CPT1A: variants seen among roughly 807,000 people sequenced by gnomAD.
The protein encoded by CPT1A is carnitine palmitoyltransferase 1A, also known as carnitine O-palmitoyltransferase 1, liver isoform.
Under a neutral mutation model 100.8 loss-of-function variants are expected in CPT1A, and 64 were observed. The observed-to-expected ratio is 0.63, with a 90% CI of 0.52 to 0.78. The LOEUF (loss-of-function observed/expected upper bound fraction) is 0.78, where lower values mean the gene tolerates loss of function less well. Among genes scored for constraint, CPT1A ranks in the 30% least tolerant of loss-of-function variants. The pLI is 0.00. For synonymous variants in CPT1A, 363 were observed against 396.0 expected (o/e 0.92, Z 0.99); for missense variants, 802 against 1,034.1 (o/e 0.78, Z 3.08).
At position 68,761,547 on chromosome 11, in the gene CPT1A, AG is replaced by A; in HGVS notation, c.2015del (p.Pro672LeufsTer83). The A allele has an allele frequency of 6.2e-7, 1 of 1,614,112 alleles. No individual in the cohort carries two copies. Among genetic ancestry groups the A allele is most frequent in the Non-Finnish European group, 8.5e-7 (1 of 1,180,014 alleles). On this transcript the variant is annotated frameshift_variant, in exon 16 of 19. Coordinates refer to ENST00000265641, the MANE Select transcript of CPT1A (RefSeq NM_001876.4). LOFTEE classifies it high-confidence loss of function. ...GGAAGAGACTTACTTCCTTAAGGAA[AG>A]GGGACTCCACAGCGAGATATTTAGA... is the stretch of plus-strand genomic sequence containing the variant. ...VVSKYLAVES[P>X]FLKEVLSEPW...
chr11:68,824,319 C>A (rs1856667303), intron 1 of CPT1A, among the ~76,000 whole-genome samples: 1 of 150,892 alleles, frequency 6.6e-6, no homozygotes, highest in Non-Finnish European at 1.5e-5. Context: ...GGAAGGGAGG[C>A]AGCAGGGCAA....
intron 18 of CPT1A, among the ~76,000 whole-genome samples, chr11:68,759,263 C>T (rs1052059026): frequency 2.6e-5 from 4 of 151,400 alleles, no homozygotes; most frequent in Admixed American, 1.3e-4. Flanking sequence ...GGGGTAGTGG[C>T]GGGTGCCTGT....
intron 9 of CPT1A, among the ~76,000 whole-genome samples, chr11:68,790,634 G>A (rs907116858): frequency 1.1e-4 from 16 of 152,058 alleles, no homozygotes; most frequent in African/African-American, 3.1e-4. Context: ...CCTTGATCTC[G>A]GACTCTGGCC....
At chr11:68,784,518 A>G (rs1038050299) in intron 10 of CPT1A, among the ~76,000 whole-genome samples, 12 of 152,030 alleles carry the variant, frequency 7.9e-5, no homozygotes, top group Non-Finnish European at 1.5e-5. Flanking sequence ...TGGGTGACAG[A>G]GCGAGACTTC....
upstream of CPT1A, chr11:68,841,925 C>T: frequency 1.0e-6 from 1 of 984,734 alleles, no homozygotes; most frequent in Non-Finnish European, 1.2e-6. The surrounding 1 kb of genome is among the most constrained non-coding windows in gnomAD (Gnocchi z 6.3). Flanking sequence ...TTGGCTGAGG[C>T]GGGTCCGGCT....
chr11:68,812,662 C>T lies in CPT1A; in HGVS notation c.142-86G>A, dbSNP rs547805655. The T allele has an allele frequency of 1.5e-4, 236 of 1,532,440 alleles. No individual in the cohort carries two copies. The Middle Eastern group carries it at 1.5e-3, about 10-fold the overall frequency. The allele number at this position is 1,532,440 out of a possible 1,614,324, so 94.9% of individuals were successfully genotyped here. A position where few individuals can be genotyped will look rare whatever the true frequency, so the allele number is the denominator to read the frequency against. ...TTCATGGCCCCTGGCAGCAGGGCTG[C>T]TGGGACAGCAGGCAGTGAGAAGAGG... is the stretch of plus-strand genomic sequence containing the variant. On this transcript the variant is annotated intron_variant, in intron 2 of 18. Coordinates refer to ENST00000265641, the MANE Select transcript of CPT1A (RefSeq NM_001876.4).
At chr11:68,807,428 C>T (rs1309520477) in intron 4 of CPT1A, 39 bp downstream of exon 4, 7 of 1,601,310 alleles carry the variant, frequency 4.4e-6, no homozygotes, top group Non-Finnish European at 6.0e-6. Flanking sequence ...AAAGCCCAAA[C>T]TGTCCACCCC....
At chr11:68,818,017 G>A (rs1594366485) in intron 1 of CPT1A, among the ~76,000 whole-genome samples, 1 of 152,134 alleles carries the variant, frequency 6.6e-6, no homozygotes, top group East Asian at 1.9e-4. Context: ...CAAGGGCCCA[G>A]AGAAAGGGGA....
intron 5 of CPT1A, among the ~76,000 whole-genome samples, chr11:68,802,480 C>T (rs1326472077): frequency 1.3e-5 from 2 of 150,228 alleles, no homozygotes; most frequent in African/African-American, 2.4e-5. Flanking sequence ...ACCTGTAATC[C>T]CAGTACTTTC....
chr11:68,836,385 G>A (rs1353721371), intron 1 of CPT1A, among the ~76,000 whole-genome samples: 4 of 152,108 alleles, frequency 2.6e-5, no homozygotes, highest in South Asian at 2.1e-4. Flanking sequence ...GCTGAAGAAG[G>A]AGGATCCCTT....
intron 14 of CPT1A, among the ~76,000 whole-genome samples, chr11:68,769,189 G>A (rs971404821): frequency 2.0e-5 from 3 of 152,020 alleles, no homozygotes; most frequent in Admixed American, 6.5e-5. Context: ...TCCATTACAC[G>A]TTATTTCCCA....
intron 4 of CPT1A, 129 bp from the exon 5 acceptor site, chr11:68,804,230 A>G (rs927192492): frequency 2.7e-6 from 2 of 728,512 alleles, no homozygotes; most frequent in Admixed American, 4.0e-5. Context: ...GACCATTTCA[A>G]AGACAAGGCT....
intron 15 of CPT1A, 135 bp from the exon 16 acceptor site, chr11:68,761,822 G>T (rs1854628205): frequency 9.3e-7 from 1 of 1,079,892 alleles, no homozygotes; most frequent in Admixed American, 1.9e-5. Context: ...TGTTGCCCAG[G>T]GTGGTTTCGA....
intron 1 of CPT1A, among the ~76,000 whole-genome samples, chr11:68,824,004 T>C (rs1451996269): frequency 3.9e-5 from 6 of 151,982 alleles, no homozygotes; most frequent in Non-Finnish European, 8.8e-5. Flanking sequence ...CCCAGCACTT[T>C]GGGAGGCCGA....
intron 1 of CPT1A, among the ~76,000 whole-genome samples, chr11:68,830,828 A>G (rs758197742): frequency 2.4e-4 from 36 of 152,230 alleles, no homozygotes; most frequent in Admixed American, 4.6e-4. Flanking sequence ...AAATTCTACA[A>G]GAGACATTTA....
intron 1 of CPT1A, among the ~76,000 whole-genome samples, chr11:68,828,856 G>A (rs60844703): frequency 0.015 from 2,262 of 152,258 alleles, 60 homozygotes; most frequent in African/African-American, 0.052. Flanking sequence ...CCTCCTGGGG[G>A]AGGCCACCAG....
chr11:68,769,668 A>C (rs539983560), intron 14 of CPT1A, among the ~76,000 whole-genome samples: 8 of 152,102 alleles, frequency 5.3e-5, no homozygotes, highest in African/African-American at 1.9e-4. Flanking sequence ...GGTGACTCTC[A>C]AATGTTAGCC....
chr11:68,792,807 G>C (rs571608739), intron 9 of CPT1A, among the ~76,000 whole-genome samples: 1 of 152,208 alleles, frequency 6.6e-6, no homozygotes. Context: ...CCAGCACTTC[G>C]GGAGGCCGAA....
chr11:68,814,807 C>T (rs945355992), intron 2 of CPT1A, among the ~76,000 whole-genome samples: 2 of 152,104 alleles, frequency 1.3e-5, no homozygotes, highest in Non-Finnish European at 2.9e-5. Context: ...CCACCTCAGC[C>T]TCCTGAGTAG....
Sources: gnomAD v4.1 joint callset for allele counts (sites outside exome capture counted in the v4.1 genomes callset) on GRCh38, gnomAD v4.1.1 for gene constraint, Gnocchi (gnomAD v3.1) non-coding constraint, MANE v1.5 for transcripts, NCBI Gene and HGNC (gene_info 2026-07-23, HGNC 2026-07-21) for gene names.